TYR: variants seen among roughly 807,000 people sequenced by gnomAD.
TYR encodes the protein tyrosinase, also known as LB24-AB.
In TYR, 58 loss-of-function variants were observed where a neutral mutation model predicts 51.5. The observed-to-expected ratio is 1.13, with a 90% CI of 0.91 to 1.40. TYR has a LOEUF of 1.40. Ranked by LOEUF, TYR falls within the 40% of genes most tolerant of loss-of-function variation. TYR has a pLI of 0.00. For synonymous variants in TYR, 263 were observed against 235.2 expected (o/e 1.12, Z -1.08); for missense variants, 732 against 647.4 (o/e 1.13, Z -1.42).
rs775593103 is a variant in TYR at position 89,284,857 on chromosome 11, A to C, written c.1269A>C (p.Glu423Asp). ...ATGCACCCATTGGACATAACCGGGA[A>C]TCCTACATGGTTCCTTTTATACCAC... ...EANAPIGHNR[E>D]SYMVPFIPLY... Residue 423 changes from glutamate to aspartate, a missense_variant, in exon 4 of 5, where the codon GAA becomes GAC. By Grantham distance (45) the Glu-to-Asp change is conservative. Transcript: ENST00000263321. 1.2e-6 allele frequency: 2 copies of C among 1,612,080 alleles called. No individual in the cohort carries two copies. Among genetic ancestry groups the C allele is most frequent in the Non-Finnish European group, 1.7e-6 (2 of 1,178,650 alleles).
chr11:89,242,307 A>C (rs71469242), intron 3 of TYR, among the ~76,000 whole-genome samples: 5,997 of 152,200 alleles, frequency 0.039, 157 homozygotes, highest in Middle Eastern at 0.065. Flanking sequence ...TCCCGGGTTC[A>C]AGTGATTCTT....
chr11:89,293,518 AT>A (rs1166859641), intron 4 of TYR, among the ~76,000 whole-genome samples: 1 of 152,118 alleles, frequency 6.6e-6, no homozygotes, highest in African/African-American at 2.4e-5. Flanking sequence ...AAGATATCAA[AT>A]GTTCTTTTAT....
chr11:89,223,726 G>A (rs1315881597), intron 2 of TYR, among the ~76,000 whole-genome samples: 2 of 151,994 alleles, frequency 1.3e-5, no homozygotes, highest in Non-Finnish European at 2.9e-5. Context: ...GGTGTCTCTA[G>A]TCTATTTGAA....
At chr11:89,244,920 C>T (rs1590875132) in intron 3 of TYR, among the ~76,000 whole-genome samples, 1 of 152,232 alleles carries the variant, frequency 6.6e-6, no homozygotes, top group East Asian at 1.9e-4. Flanking sequence ...AAACGTAACT[C>T]TGCAGTAATA....
intron 4 of TYR, among the ~76,000 whole-genome samples, chr11:89,292,864 T>C (rs557934593): frequency 1.3e-5 from 2 of 152,274 alleles, no homozygotes; most frequent in South Asian, 2.1e-4. Flanking sequence ...GTCTTAGACA[T>C]CCCATGAATC....
At chr11:89,284,173 A>ATGAC (rs1944753043) in intron 3 of TYR, among the ~76,000 whole-genome samples, 1 of 151,810 alleles carries the variant, frequency 6.6e-6, no homozygotes, top group South Asian at 2.1e-4. Context: ...ATGAATGAGT[A>ATGAC]TGTCAGATTG....
intron 2 of TYR, among the ~76,000 whole-genome samples, chr11:89,213,315 C>A (rs1376648048): frequency 6.6e-6 from 1 of 152,242 alleles, no homozygotes; most frequent in Non-Finnish European, 1.5e-5. Context: ...AGAGCCAAAT[C>A]ATGAGTGAAC....
At chr11:89,275,972 TA>T (rs1465405589) in intron 3 of TYR, among the ~76,000 whole-genome samples, 1 of 151,912 alleles carries the variant, frequency 6.6e-6, no homozygotes, top group Non-Finnish European at 1.5e-5. Context: ...AACAATATAT[TA>T]AGAGTTTATT....
At chr11:89,214,800 A>G (rs1240477420) in intron 2 of TYR, among the ~76,000 whole-genome samples, 1 of 152,136 alleles carries the variant, frequency 6.6e-6, no homozygotes, top group Non-Finnish European at 1.5e-5. Flanking sequence ...AAGCCCAGAA[A>G]TCAGGAGACT....
At chr11:89,265,663 T>C (rs531270889) in intron 3 of TYR, among the ~76,000 whole-genome samples, 22 of 152,210 alleles carry the variant, frequency 1.4e-4, no homozygotes, top group Non-Finnish European at 2.8e-4. Flanking sequence ...GGGGTTTCAC[T>C]AGTCTCTCAC....
chr11:89,278,672 C>T (rs1944686476), intron 3 of TYR, among the ~76,000 whole-genome samples: 1 of 151,212 alleles, frequency 6.6e-6, no homozygotes, highest in African/African-American at 2.4e-5. Context: ...TTTTCCATAC[C>T]CAATTCCTCT....
intron 3 of TYR, among the ~76,000 whole-genome samples, chr11:89,247,345 ACT>A (rs1230633324): frequency 6.6e-6 from 1 of 152,110 alleles, no homozygotes; most frequent in Non-Finnish European, 1.5e-5. Flanking sequence ...ATAATTGATA[ACT>A]CTGAGGCAGG....
intron 1 of TYR, among the ~76,000 whole-genome samples, chr11:89,185,007 G>A (rs1056573129): frequency 2.0e-5 from 3 of 152,128 alleles, no homozygotes; most frequent in Non-Finnish European, 2.9e-5. Context: ...TGGGATAGGA[G>A]GACCAATAAA....
At chr11:89,251,651 A>G (rs897572282) in intron 3 of TYR, among the ~76,000 whole-genome samples, 1 of 151,886 alleles carries the variant, frequency 6.6e-6, no homozygotes, top group Non-Finnish European at 1.5e-5. Context: ...TTTTTTTAGA[A>G]AAAGTGCTTT....
chr11:89,203,895 C>A (rs982734854), intron 2 of TYR, among the ~76,000 whole-genome samples: 1 of 152,190 alleles, frequency 6.6e-6, no homozygotes, highest in African/African-American at 2.4e-5. Flanking sequence ...AACTGAGGCA[C>A]AATCCCCACC....
chr11:89,205,122 A>T (rs1458095869), intron 2 of TYR, among the ~76,000 whole-genome samples: 1 of 152,160 alleles, frequency 6.6e-6, no homozygotes, highest in East Asian at 1.9e-4. Context: ...TACCAAAGTA[A>T]AAGTCTCAAT....
chr11:89,262,817 T>TGTA (rs1257649123), intron 3 of TYR, among the ~76,000 whole-genome samples: 1 of 83,788 alleles, frequency 1.2e-5, no homozygotes, highest in Non-Finnish European at 2.2e-5. Context: ...TAAACAGACC[T>TGTA]GTAGTAAGTA....
chr11:89,196,562 T>C (rs572269151), intron 2 of TYR, among the ~76,000 whole-genome samples: 10 of 152,270 alleles, frequency 6.6e-5, no homozygotes, highest in African/African-American at 2.4e-4. Context: ...GAAAACTACC[T>C]TCATTGTAAA....
Position 89,178,777 on chromosome 11 carries a change from G to C in TYR, c.819+5G>C. 6.2e-7 allele frequency: 1 copy of C among 1,613,764 alleles called. No individual in the cohort carries two copies. Among genetic ancestry groups the C allele is most frequent in the Non-Finnish European group, 8.5e-7 (1 of 1,179,878 alleles). ...TCATTCTTCTCCTCTTGGCAGGTAA[G>C]ATATGCTAGATATACGATGTCAGAG... On this transcript the variant is annotated splice_donor_5th_base_variant and intron_variant, in intron 1 of 4. Coordinates refer to ENST00000263321, the MANE Select transcript of TYR (RefSeq NM_000372.5).
Sources: allele counts gnomAD v4.1 joint callset (sites outside exome capture counted in the v4.1 genomes callset), GRCh38; gene constraint gnomAD v4.1.1; transcripts MANE v1.5; gene names NCBI Gene and HGNC (gene_info 2026-07-23, HGNC 2026-07-21).